Variants in CHST8 observed in about 807,000 individuals in gnomAD.
The protein encoded by CHST8 is GALNAC-4-ST1.
A neutral mutation model predicts 15.0 loss-of-function variants in CHST8; 10 were observed. That is an observed-to-expected ratio of 0.67 (90% confidence interval 0.41 to 1.13). The LOEUF (loss-of-function observed/expected upper bound fraction) is 1.13, where lower values mean the gene tolerates loss of function less well. Ranked by LOEUF, CHST8 falls within the 50% of genes most tolerant of loss-of-function variation. CHST8 has a pLI of 0.00. For synonymous variants in CHST8, 259 were observed against 256.6 expected, an observed-to-expected ratio of 1.01 and a Z score of -0.09; for missense variants, 634 against 608.2, an observed-to-expected ratio of 1.04 and a Z score of -0.45.
intron 2 of CHST8, among the ~76,000 whole-genome samples, chr19:33,680,401 A>G (rs573730859): frequency 7.9e-5 from 12 of 152,216 alleles, no homozygotes; most frequent in Non-Finnish European, 1.8e-4. Context: ...AGTGGCCCTG[A>G]AAATCTGTGC....
At chr19:33,765,350 C>T (rs1012818542) in intron 3 of CHST8, among the ~76,000 whole-genome samples, 1 of 151,918 alleles carries the variant, frequency 6.6e-6, no homozygotes, top group Non-Finnish European at 1.5e-5. Context: ...ATCTAGCCTT[C>T]GGAACTGTGA....
chr19:33,698,106 G>A (rs1259090878), intron 3 of CHST8, among the ~76,000 whole-genome samples: 9 of 152,112 alleles, frequency 5.9e-5, no homozygotes, highest in Non-Finnish European at 8.8e-5. Flanking sequence ...GCAAAACCCC[G>A]CCTCTACTAA....
chr19:33,757,912 C>T (rs967036094), intron 3 of CHST8, among the ~76,000 whole-genome samples: 4 of 152,178 alleles, frequency 2.6e-5, no homozygotes, highest in African/African-American at 9.7e-5. Flanking sequence ...CCAGAGCCTT[C>T]CAGAGCTTCT....
intron 3 of CHST8, among the ~76,000 whole-genome samples, chr19:33,760,878 C>T (rs542778602): frequency 6.6e-6 from 1 of 152,276 alleles, no homozygotes; most frequent in Admixed American, 6.5e-5. Context: ...CCTTGCTAGA[C>T]TGGAAGCTTC....
intron 3 of CHST8, among the ~76,000 whole-genome samples, chr19:33,736,531 G>C (rs1187810603): frequency 6.6e-6 from 1 of 152,150 alleles, no homozygotes; most frequent in Non-Finnish European, 1.5e-5. Flanking sequence ...CCCAAGCTCA[G>C]ACAAGATGCA....
At chr19:33,690,537 G>A (rs1431631310) in intron 3 of CHST8, among the ~76,000 whole-genome samples, 3 of 152,192 alleles carry the variant, frequency 2.0e-5, no homozygotes, top group Non-Finnish European at 2.9e-5. Context: ...GGGTCTGGCA[G>A]CTGCCAGAGG....
intron 1 of CHST8, among the ~76,000 whole-genome samples, chr19:33,667,159 GGT>G (rs1156368768): frequency 6.6e-6 from 1 of 152,152 alleles, no homozygotes; most frequent in Non-Finnish European, 1.5e-5. Context: ...GCAGATGGAG[GGT>G]GAAGGGCACA....
intron 1 of CHST8, among the ~76,000 whole-genome samples, chr19:33,630,325 A>G (rs7246603): frequency 0.47 from 71,817 of 152,150 alleles, 18,034 homozygotes; most frequent in Middle Eastern, 0.59. Flanking sequence ...GAAGGTACTG[A>G]GCGATTGCTT....
At chr19:33,665,494 G>A (rs1000748063) in intron 1 of CHST8, among the ~76,000 whole-genome samples, 4 of 152,122 alleles carry the variant, frequency 2.6e-5, no homozygotes, top group Non-Finnish European at 4.4e-5. Flanking sequence ...TGTGGTCCAT[G>A]GGCCACAGTT....
At chr19:33,678,554 C>T (rs1972840260) in intron 2 of CHST8, among the ~76,000 whole-genome samples, 1 of 152,016 alleles carries the variant, frequency 6.6e-6, no homozygotes, top group Admixed American at 6.6e-5. Context: ...CCAGCCTGGG[C>T]AACATAGTGA....
chr19:33,750,600 C>T lies in CHST8; in HGVS notation c.131-20813C>T, dbSNP rs916100324. ...AGTGTCCACCAGCCGCTCAGTTTCC[C>T]ATCAGGGTCCAGAAGTATTGATTCT... On this transcript the variant is annotated intron_variant, in intron 3 of 4. Transcript: ENST00000650847. Among the ~76,000 whole-genome samples, 7 of 152,354 alleles carry T rather than the reference C, an allele frequency of 4.6e-5. No homozygotes were observed. The South Asian group carries it at 1.5e-3, about 32-fold the overall frequency.
rs149836838 is a variant in CHST8, at chr19:33,733,963, C to T, written c.131-37450C>T. ...GCCTCCTCTCCCTGTGAGCAGACAG[C>T]GGTGTCAGAGGTGTGTAAACCAGAG... On this transcript the variant is annotated intron_variant, in intron 3 of 4. Transcript: ENST00000650847. Among the ~76,000 whole-genome samples the T allele has an allele frequency of 5.9e-3, 897 of 152,280 alleles. 7 individuals are homozygous for T. The highest frequency in any genetic ancestry group is 0.017 in the Middle Eastern group (5 of 294).
At chr19:33,734,993 A>C (rs554001442) in intron 3 of CHST8, among the ~76,000 whole-genome samples, 1 of 152,298 alleles carries the variant, frequency 6.6e-6, no homozygotes, top group South Asian at 2.1e-4. Context: ...CAGAAGCTGC[A>C]TCAAATGTCA....
chr19:33,766,504 G>A (rs567343669), intron 3 of CHST8, among the ~76,000 whole-genome samples: 6 of 152,318 alleles, frequency 3.9e-5, no homozygotes, highest in African/African-American at 9.6e-5. Flanking sequence ...CCCAGGGCTC[G>A]GAGGCCTTTC....
At position 33,675,021 on chromosome 19, in the gene CHST8, C is replaced by T. The variant is rs10423644; in HGVS notation, c.-87+7178C>T. Among the ~76,000 whole-genome samples the T allele has an allele frequency of 5.4e-3, 826 of 152,236 alleles. 7 individuals are homozygous for T. Among genetic ancestry groups the T allele is most frequent in the African/African-American group, 0.019 (774 of 41,528 alleles). On this transcript the variant is annotated intron_variant, in intron 2 of 4. Coordinates refer to ENST00000650847, the MANE Select transcript of CHST8 (RefSeq NM_001127895.2). ...GGCACACAGATACACAGGATGGAGC[C>T]GTAGAGACACACCTGCATGCTCACA...
At chr19:33,728,353 C>T (rs1226651498) in intron 3 of CHST8, among the ~76,000 whole-genome samples, 2 of 152,224 alleles carry the variant, frequency 1.3e-5, no homozygotes, top group African/African-American at 4.8e-5. Context: ...GTAGCCAGGG[C>T]GGTGCCCTCT....
At chr19:33,693,696 G>A (rs1973143215) in intron 3 of CHST8, among the ~76,000 whole-genome samples, 1 of 152,068 alleles carries the variant, frequency 6.6e-6, no homozygotes, top group Non-Finnish European at 1.5e-5. Flanking sequence ...TCTGTTCTTT[G>A]TTGTCCCAAT....
At chr19:33,672,132 AGAG>A (rs1258005156) in intron 2 of CHST8, among the ~76,000 whole-genome samples, 4 of 152,294 alleles carry the variant, frequency 2.6e-5, no homozygotes, top group Admixed American at 2.0e-4. Context: ...AAAAAGTAAA[AGAG>A]GTGTATGGTT....
intron 1 of CHST8, among the ~76,000 whole-genome samples, chr19:33,632,583 C>A (rs970001803): frequency 1.3e-5 from 2 of 152,138 alleles, no homozygotes; most frequent in African/African-American, 4.8e-5. Flanking sequence ...CCTACGTATA[C>A]AATGCAGTGA....
Sources: gnomAD v4.1 joint callset for allele counts (sites outside exome capture counted in the v4.1 genomes callset) on GRCh38, gnomAD v4.1.1 for gene constraint, MANE v1.5 for transcripts, NCBI Gene and HGNC (gene_info 2026-07-23, HGNC 2026-07-21) for gene names.